Variants in NYAP2 observed in about 807,000 individuals in gnomAD.
NYAP2 encodes neuronal tyrosine-phosphorylated phosphoinositide-3-kinase adaptor 2.
Under a neutral mutation model 50.4 loss-of-function variants are expected in NYAP2, and 23 were observed. The ratio of observed to expected loss-of-function variants is 0.46; its 90% CI spans 0.33 to 0.65. The LOEUF is 0.65. Ranked by LOEUF, NYAP2 falls within the 30% of genes least tolerant of loss-of-function variation. NYAP2 has a pLI of 0.02. For missense variants in NYAP2, 885 were observed against 861.0 expected, an observed-to-expected ratio of 1.03 and a Z score of -0.35; for synonymous variants, 394 against 365.2, an observed-to-expected ratio of 1.08 and a Z score of -0.90.
intron 3 of NYAP2, among the ~76,000 whole-genome samples, chr2:225,434,580 C>T (rs568428317): frequency 1.1e-4 from 17 of 152,284 alleles, no homozygotes; most frequent in Admixed American, 7.8e-4. Context: ...GGCACTGGAA[C>T]GTATAGCATG....
intron 3 of NYAP2, among the ~76,000 whole-genome samples, chr2:225,486,036 C>A (rs1315578000): frequency 6.6e-6 from 1 of 152,116 alleles, no homozygotes; most frequent in African/African-American, 2.4e-5. Context: ...TCTCTCCTAC[C>A]CCCATTTGGT....
the NYAP2 span, among the ~76,000 whole-genome samples, chr2:225,665,132 TACTTA>T: frequency 6.6e-6 from 1 of 152,220 alleles, no homozygotes; most frequent in Non-Finnish European, 1.5e-5. Context: ...CCATACATTT[TACTTA>T]ACTTTATTTA....
At chr2:225,426,792 T>G (rs1695294705) in intron 3 of NYAP2, among the ~76,000 whole-genome samples, 1 of 152,118 alleles carries the variant, frequency 6.6e-6, no homozygotes, top group Non-Finnish European at 1.5e-5. Context: ...CCACTCCACA[T>G]AATAGGTGAG....
chr2:225,626,866 A>G, intron 5 of NYAP2, 51 bp from the exon 6 acceptor site: 2 of 1,351,924 alleles, frequency 1.5e-6, no homozygotes, highest in Non-Finnish European at 2.1e-6. Context: ...AAAGTAATTT[A>G]GGAAGAACTT....
chr2:225,470,206 A>AT lies in NYAP2; in HGVS notation c.222-43157dup, dbSNP rs200103585. 2.5e-3 allele frequency among the ~76,000 whole-genome samples: 373 copies of AT among 151,976 alleles called. 2 individuals carry two copies. The highest frequency in any genetic ancestry group is 8.3e-3 in the African/African-American group (343 of 41,442). Reference sequence around the variant, plus strand: ...TTTTCCTAATGTTATTTGTGACCTGATTTTTTTTGTGCCTAAAGTAAAAGA... The same window carrying AT: ...TTTTCCTAATGTTATTTGTGACCTGATTTTTTTTTGTGCCTAAAGTAAAAGA... On this transcript the variant is annotated intron_variant, in intron 3 of 6. Transcript: ENST00000636099.
chr2:225,689,714 A>T, the NYAP2 span, among the ~76,000 whole-genome samples: 1 of 152,158 alleles, frequency 6.6e-6, no homozygotes, highest in Non-Finnish European at 1.5e-5. Context: ...ATGAGGGAGA[A>T]TTATAAGGGG....
At chr2:225,607,990 C>T (rs7593510) in intron 5 of NYAP2, among the ~76,000 whole-genome samples, 82 of 152,050 alleles carry the variant, frequency 5.4e-4, no homozygotes, top group African/African-American at 1.9e-3. Flanking sequence ...AATGAATTCT[C>T]AATATAACCT....
chr2:225,521,033 C>T (rs1253793957), intron 4 of NYAP2, among the ~76,000 whole-genome samples: 19 of 144,368 alleles, frequency 1.3e-4, no homozygotes, highest in Admixed American at 4.8e-4. Context: ...CTCTTTGAAG[C>T]AATTGTGAAT....
chr2:225,624,472 G>A (rs1693174274), intron 5 of NYAP2, among the ~76,000 whole-genome samples: 3 of 152,126 alleles, frequency 2.0e-5, no homozygotes, highest in Non-Finnish European at 4.4e-5. Flanking sequence ...GACTATTTGA[G>A]GCCAATTTTT....
chr2:225,576,196 C>T (rs1574687607), intron 4 of NYAP2, among the ~76,000 whole-genome samples: 1 of 152,336 alleles, frequency 6.6e-6, no homozygotes, highest in South Asian at 2.1e-4. Flanking sequence ...TCCCACTTGA[C>T]TTTTTGACCA....
At chr2:225,474,981 T>C (rs1326277189) in intron 3 of NYAP2, among the ~76,000 whole-genome samples, 1 of 152,224 alleles carries the variant, frequency 6.6e-6, no homozygotes, top group Non-Finnish European at 1.5e-5. Flanking sequence ...TAAAAGCATC[T>C]GTATTTGTTT....
At chr2:225,645,168 G>T (rs1021362171) in intron 6 of NYAP2, among the ~76,000 whole-genome samples, 1 of 148,388 alleles carries the variant, frequency 6.7e-6, no homozygotes, top group Admixed American at 6.8e-5. Flanking sequence ...TGAGGCAAAA[G>T]AATCACTTGA....
At chr2:225,598,654 C>T (rs1385668691) in intron 5 of NYAP2, among the ~76,000 whole-genome samples, 1 of 152,184 alleles carries the variant, frequency 6.6e-6, no homozygotes, top group African/African-American at 2.4e-5. Context: ...TGCTAACCTC[C>T]TAAATACAGA....
intron 6 of NYAP2, among the ~76,000 whole-genome samples, chr2:225,634,507 A>T (rs1161056344): frequency 6.6e-6 from 1 of 152,162 alleles, no homozygotes; most frequent in Non-Finnish European, 1.5e-5. Context: ...TCTTGTACAC[A>T]CAAGTTCAGA....
At chr2:225,693,937 C>G in the NYAP2 span, among the ~76,000 whole-genome samples, 1 of 152,048 alleles carries the variant, frequency 6.6e-6, no homozygotes, top group South Asian at 2.1e-4. Flanking sequence ...TGAAATTTCA[C>G]CTCCTAGACA....
intron 3 of NYAP2, among the ~76,000 whole-genome samples, chr2:225,432,570 A>G (rs1689287204): frequency 6.6e-6 from 1 of 152,002 alleles, no homozygotes; most frequent in African/African-American, 2.4e-5. Context: ...GGCTATATAG[A>G]TATCTCCCCT....
chr2:225,449,836 C>T (rs577765191), intron 3 of NYAP2, among the ~76,000 whole-genome samples: 10 of 151,894 alleles, frequency 6.6e-5, no homozygotes, highest in African/African-American at 1.7e-4. Context: ...AGGCTGGTCT[C>T]GAACTCCTGA....
downstream of NYAP2, among the ~76,000 whole-genome samples, chr2:225,656,278 T>C (rs183478951): frequency 1.7e-4 from 26 of 152,338 alleles, no homozygotes; most frequent in East Asian, 4.6e-3. Flanking sequence ...CTGTGTTTCA[T>C]GATACCTGCG....
At chr2:225,540,391 C>G (rs1691438260) in intron 4 of NYAP2, among the ~76,000 whole-genome samples, 1 of 152,138 alleles carries the variant, frequency 6.6e-6, no homozygotes, top group Non-Finnish European at 1.5e-5. Context: ...CTGGGCAGGC[C>G]TCACAATCAT....
Sources: gnomAD v4.1 joint callset for allele counts (sites outside exome capture counted in the v4.1 genomes callset) on GRCh38, gnomAD v4.1.1 for gene constraint, MANE v1.5 for transcripts, NCBI Gene and HGNC (gene_info 2026-07-23, HGNC 2026-07-21) for gene names.